SLC22A16: variants seen among roughly 807,000 people sequenced by gnomAD.
SLC22A16 encodes the protein solute carrier family 22 member 16.
Under a neutral mutation model 52.9 loss-of-function variants are expected in SLC22A16, and 53 were observed. The ratio of observed to expected loss-of-function variants is 1.00; its 90% CI spans 0.80 to 1.26. The LOEUF (loss-of-function observed/expected upper bound fraction) is 1.26, where lower values mean the gene tolerates loss of function less well. SLC22A16 is among the 50% of genes most tolerant of loss of function. The probability of loss-of-function intolerance (pLI) is 0.00; values close to 1 mark genes in which losing one functional copy is unlikely to be tolerated. For synonymous variants in SLC22A16, 291 were observed against 268.8 expected (o/e 1.08, Z -0.81); for missense variants, 726 against 704.0 (o/e 1.03, Z -0.35).
At chr6:110,450,190 A>AG (rs36072301) in intron 2 of SLC22A16, among the ~76,000 whole-genome samples, 2,038 of 151,650 alleles carry the variant, frequency 0.013, 16 homozygotes, top group Middle Eastern at 0.048. Flanking sequence ...AAAAAAAAGG[A>AG]GGGGGGGGCA....
intron 6 of SLC22A16, among the ~76,000 whole-genome samples, chr6:110,434,596 G>A (rs1172711798): frequency 8.5e-6 from 1 of 117,460 alleles, no homozygotes; most frequent in East Asian, 2.9e-4. Flanking sequence ...CAGATCAGTG[G>A]GAATCACATC....
intron 1 of SLC22A16, among the ~76,000 whole-genome samples, chr6:110,459,637 T>C (rs1454131432): frequency 6.6e-6 from 1 of 152,172 alleles, no homozygotes; most frequent in Admixed American, 6.5e-5. Flanking sequence ...ATGAAGTATA[T>C]AGTTAGTTAA....
chr6:110,476,187 T>G, intron 1 of SLC22A16: 22 of 488,570 alleles, frequency 4.5e-5, no homozygotes, highest in Middle Eastern at 6.9e-4. Context: ...CCCCTACGAG[T>G]GAGATCTGGC....
intron 2 of SLC22A16, among the ~76,000 whole-genome samples, chr6:110,451,279 C>T (rs1389973804): frequency 6.6e-6 from 1 of 152,146 alleles, no homozygotes; most frequent in Non-Finnish European, 1.5e-5. Flanking sequence ...CACTTTTATG[C>T]ATGTACCTCT....
rs376800215 is a variant in SLC22A16 at position 110,461,046 on chromosome 6, G to A, written c.54-4029C>T. 8.5e-5 allele frequency among the ~76,000 whole-genome samples: 13 copies of A among 152,348 alleles called. No individual in the cohort carries two copies. The East Asian group carries it at 1.7e-3, about 20-fold the overall frequency. On this transcript the variant is annotated intron_variant, in intron 1 of 7. Coordinates refer to ENST00000368919, the MANE Select transcript of SLC22A16 (RefSeq NM_033125.4). ...CTTTCCCTGCTGGAAGCTGGCATTCGTGCAATTGAAGAAAGGCTTTCTAGC... is the reference window on the plus strand; with the variant it reads ...CTTTCCCTGCTGGAAGCTGGCATTCATGCAATTGAAGAAAGGCTTTCTAGC...
intron 1 of SLC22A16, among the ~76,000 whole-genome samples, chr6:110,458,558 G>A (rs879907015): frequency 6.6e-6 from 1 of 152,162 alleles, no homozygotes; most frequent in Middle Eastern, 3.2e-3. Flanking sequence ...CATACTGTGT[G>A]GTTAATTTTA....
intron 2 of SLC22A16, among the ~76,000 whole-genome samples, chr6:110,449,340 G>A (rs924514769): frequency 6.6e-6 from 1 of 151,848 alleles, no homozygotes; most frequent in Admixed American, 6.6e-5. Context: ...TGCACACTCT[G>A]CCCTTGTGAT....
At position 110,454,622 on chromosome 6, in the gene SLC22A16, ATATATATTT is replaced by A. The variant is rs1775520782; in HGVS notation, c.533+1907_533+1915del. On this transcript the variant is annotated intron_variant, in intron 2 of 7. Coordinates refer to ENST00000368919, the MANE Select transcript of SLC22A16 (RefSeq NM_033125.4). The stretch of plus-strand genomic sequence containing the variant: ...ATATATATTATATATTTTATATATA[ATATATATTT>A]ATATATATTATATATTTTATATATA... Among the ~76,000 whole-genome samples, 7 of 45,114 alleles carry A rather than the reference ATATATATTT, an allele frequency of 1.6e-4. No individual in the cohort carries two copies. In the Admixed American group the frequency reaches 2.2e-3, roughly 14 times the overall value. The allele number at this position is 45,114 out of a possible 152,430, so 29.6% of individuals were successfully genotyped here.
chr6:110,449,678 C>G (rs1445363663), intron 2 of SLC22A16, among the ~76,000 whole-genome samples: 1 of 152,094 alleles, frequency 6.6e-6, no homozygotes, highest in Admixed American at 6.5e-5. Context: ...TAATACATTC[C>G]TCCGCTCCCT....
intron 1 of SLC22A16, among the ~76,000 whole-genome samples, chr6:110,475,723 C>T (rs1165467081): frequency 6.6e-6 from 1 of 152,128 alleles, no homozygotes; most frequent in Admixed American, 6.5e-5. Flanking sequence ...GCTGCATGGC[C>T]CCTCACCCGG....
chr6:110,438,703 A>C lies in SLC22A16; in HGVS notation c.1311+17T>G. ...GTCACAGTATAACTGTCTTATAAAA[A>C]ACAGAAGATAACTCACCTGGGGGAT... is the stretch of plus-strand genomic sequence containing the variant. On this transcript the variant is annotated intron_variant, in intron 5 of 7. Transcript: ENST00000368919. 1 of 1,606,830 alleles carries C rather than the reference A, an allele frequency of 6.2e-7. No homozygotes were observed. Among genetic ancestry groups the C allele is most frequent in the Non-Finnish European group, 8.5e-7 (1 of 1,177,276 alleles).
At chr6:110,449,174 G>T (rs2114961901) in intron 2 of SLC22A16, among the ~76,000 whole-genome samples, 1 of 152,076 alleles carries the variant, frequency 6.6e-6, no homozygotes, top group Non-Finnish European at 1.5e-5. Context: ...TGCCTCTCCT[G>T]GTCCTTTCTG....
chr6:110,443,727 A>T (rs1404598547), intron 3 of SLC22A16, among the ~76,000 whole-genome samples: 3 of 152,210 alleles, frequency 2.0e-5, no homozygotes, highest in Non-Finnish European at 4.4e-5. Flanking sequence ...ATGTTTGCAC[A>T]TGCCTGCTCA....
chr6:110,458,411 T>C (rs1775748746), intron 1 of SLC22A16, among the ~76,000 whole-genome samples: 1 of 152,136 alleles, frequency 6.6e-6, no homozygotes, highest in Non-Finnish European at 1.5e-5. Context: ...CTACGATCTC[T>C]CGTCTCCACA....
At chr6:110,475,064 T>C (rs1776412164) in intron 1 of SLC22A16, 2 of 493,410 alleles carry the variant, frequency 4.1e-6, no homozygotes, top group East Asian at 5.6e-5. Context: ...AATAAAATGC[T>C]CAAGACCGTA....
At position 110,442,712 on chromosome 6, in the gene SLC22A16, G is replaced by C; in HGVS notation, c.715C>G (p.Arg239Gly). ...TGCAAATGGACAGACGCCCATGTCC[G>C]AGACTTCATGCCAATGAATTCCATC... ...YVMEFIGMKS[R>G]TWASVHLHSF... is the part of the protein sequence containing the mutation. The change falls in exon 4 of 8, where the codon CGG (arginine) becomes GGG (glycine). Residue 239 changes from arginine (R) to glycine (G), a missense_variant. Arg to Gly is a moderately radical substitution (Grantham distance 125). Transcript: ENST00000368919. 1 of 1,614,110 alleles carries C rather than the reference G, an allele frequency of 6.2e-7. No individual in the cohort carries two copies. The highest frequency in any genetic ancestry group is 8.5e-7 in the Non-Finnish European group (1 of 1,180,020).
intron 1 of SLC22A16, among the ~76,000 whole-genome samples, chr6:110,469,426 G>A (rs1052781050): frequency 6.6e-6 from 1 of 152,148 alleles, no homozygotes. Flanking sequence ...GCGGGTGACT[G>A]TAGTCCCAGC....
rs1348804456 is a variant in SLC22A16 at position 110,454,715 on chromosome 6, T to TA, written c.533+1822_533+1823insT. On this transcript the variant is annotated intron_variant, in intron 2 of 7. Coordinates refer to ENST00000368919, the MANE Select transcript of SLC22A16 (RefSeq NM_033125.4). ...TTATATATATTTTTTGTATATATAT[T>TA]TTATATATATTATATGTACATATAA... 5.5e-4 allele frequency among the ~76,000 whole-genome samples: 41 copies of TA among 74,874 alleles called. 3 individuals are homozygous for TA. Among genetic ancestry groups the TA allele is most frequent in the African/African-American group, 2.2e-3 (39 of 17,354 alleles). The allele number at this position is 74,874 out of a possible 152,430, so 49.1% of individuals were successfully genotyped here.
rs41288592 is a variant in SLC22A16 at position 110,425,059 on chromosome 6, C to A, written c.1548G>T (p.Leu516=). The part of the protein sequence containing the change: ...PQLFVGTMAL[L]SGVLTLKLPE... ...GAAGCTTTAGTGTTAACACTCCACT[C>A]AGGAGGGCCATAGTCCCAACAAACA... Residue 516 remains leucine, a synonymous_variant, in exon 8 of 8, where the codon CTG becomes CTT. Coordinates refer to ENST00000368919, the MANE Select transcript of SLC22A16 (RefSeq NM_033125.4). The A allele has an allele frequency of 1.2e-6, 2 of 1,614,146 alleles. No homozygotes were observed. Among genetic ancestry groups the A allele is most frequent in the South Asian group, 2.2e-5 (2 of 91,074 alleles).
Sources: allele counts gnomAD v4.1 joint callset (sites outside exome capture counted in the v4.1 genomes callset), GRCh38; gene constraint gnomAD v4.1.1; transcripts MANE v1.5; gene names NCBI Gene and HGNC (gene_info 2026-07-23, HGNC 2026-07-21).